SMG9: variants seen among roughly 807,000 people sequenced by gnomAD.
The protein encoded by SMG9 is SMG9 nonsense mediated mRNA decay factor, also known as nonsense-mediated mRNA decay factor SMG9.
A neutral mutation model predicts 64.0 loss-of-function variants in SMG9; 55 were observed. The observed-to-expected ratio is 0.86, with a 90% CI of 0.69 to 1.08. The LOEUF (loss-of-function observed/expected upper bound fraction) is 1.08, where lower values mean the gene tolerates loss of function less well. Among genes scored for constraint, SMG9 ranks in the 50% least tolerant of loss-of-function variants. SMG9 has a pLI of 0.00. For synonymous variants in SMG9, 244 were observed against 254.8 expected, an observed-to-expected ratio of 0.96 and a Z score of 0.41; for missense variants, 554 against 681.3, an observed-to-expected ratio of 0.81 and a Z score of 2.08.
chr19:43,733,768 A>T, intron 10 of SMG9, 35 bp from the exon 11 acceptor site: 1 of 1,564,314 alleles, frequency 6.4e-7, no homozygotes, highest in Non-Finnish European at 8.8e-7. Context: ...TGTCAGGCAG[A>T]CATCGCTTGG....
At chr19:43,748,848 A>T (rs2146404676) in intron 2 of SMG9, 3 of 513,464 alleles carry the variant, frequency 5.8e-6, no homozygotes, top group South Asian at 4.2e-5. Context: ...GGTGAAGAAC[A>T]AACAAAAAGA....
Position 43,731,466 on chromosome 19 carries a change from G to T in SMG9, c.*130C>A. ...CCTGGACACCTCATGTCTCTGGGCC[G>T]GGAAGCCACGATCCCTCATCCATCA... On this transcript the variant is annotated 3_prime_UTR_variant, in exon 14 of 14. Transcript: ENST00000270066. 1 of 1,496,724 alleles carries T rather than the reference G, an allele frequency of 6.7e-7. No homozygotes were observed. Among genetic ancestry groups the T allele is most frequent in the East Asian group, 2.5e-5 (1 of 40,802 alleles). 92.7% of individuals were successfully genotyped at this position (1,496,724 alleles called of 1,614,324 possible). A position where few individuals can be genotyped will look rare whatever the true frequency, so the allele number is the denominator to read the frequency against.
intron 13 of SMG9, chr19:43,732,300 T>G (rs1968510160): frequency 6.2e-6 from 1 of 161,008 alleles, no homozygotes; most frequent in Non-Finnish European, 1.4e-5. Flanking sequence ...TGGACTCATA[T>G]GCTGAGAGCT....
rs201306280 is a variant in SMG9, at chr19:43,733,704, C to T, written c.1132G>A (p.Asp378Asn). The change falls in exon 11 of 14, where the codon GAC becomes AAC. Residue 378 changes from aspartate to asparagine, a missense_variant. By Grantham distance (23) the Asp-to-Asn change is conservative (BLOSUM62 1). Transcript: ENST00000270066. ...TGCCGCAGCTTCCGAGGACAGAAGT[C>T]CTCTCGGCGAGCTTTGTTCTGCAAG... ...VFLQNKARRE[D>N]FCPRKLRQMH... is the part of the protein sequence containing the mutation. 6.2e-6 allele frequency: 10 copies of T among 1,614,142 alleles called. 1 individual carries two copies. The highest frequency in any genetic ancestry group is 3.3e-4 in the Middle Eastern group (2 of 6,062).
At chr19:43,751,819 C>T (rs1170172777) in intron 1 of SMG9, among the ~76,000 whole-genome samples, 2 of 152,304 alleles carry the variant, frequency 1.3e-5, no homozygotes, top group Non-Finnish European at 2.9e-5. Context: ...GGGGGTTCCA[C>T]GTTAACCTTG....
At position 43,732,758 on chromosome 19, in the gene SMG9, G is replaced by T. The variant is rs893779282; in HGVS notation, c.1484+100C>A. The T allele has an allele frequency of 1.5e-5, 22 of 1,425,240 alleles. No individual in the cohort carries two copies. The Admixed American group carries it at 3.9e-4, about 25-fold the overall frequency. The allele number at this position is 1,425,240 out of a possible 1,614,324, so 88.3% of individuals were successfully genotyped here. On this transcript the variant is annotated intron_variant, in intron 13 of 13. Coordinates refer to ENST00000270066, the MANE Select transcript of SMG9 (RefSeq NM_019108.4). ...AGAAAAGGAACCTGGGATCTGGAGA[G>T]GAGGGGCTTCACAAGGTCATGCCGA...
rs928694406 is a variant in SMG9 at position 43,728,869 on chromosome 19, A to G, written c.*2727T>C. ...GATACCAATGTATTCCTGTGTCTGA[A>G]TTGAAAAGCGTGAGTTCCACCTGCT... On this transcript the variant is annotated 3_prime_UTR_variant, in exon 14 of 14. Coordinates refer to ENST00000270066, the MANE Select transcript of SMG9 (RefSeq NM_019108.4). 1 of 449,430 alleles carries G rather than the reference A, an allele frequency of 2.2e-6. No individual in the cohort carries two copies. The highest frequency in any genetic ancestry group is 2.9e-6 in the Non-Finnish European group (1 of 340,142). 27.8% of individuals were successfully genotyped at this position (449,430 alleles called of 1,614,324 possible).
In SMG9 at chr19:43,731,602, C is replaced by A. The variant is rs971776886; in HGVS notation, c.1557G>T (p.Leu519=). ...SSALAEYSRL[L]A ...GACATTCCTCTCCTTGGCCTCAGGCCAGCAGGCGGCTGTACTCTGCCAGAG... is the reference window on the plus strand; with the variant it reads ...GACATTCCTCTCCTTGGCCTCAGGCAAGCAGGCGGCTGTACTCTGCCAGAG... Residue 519 remains leucine, a synonymous_variant, in exon 14 of 14, where the codon CTG becomes CTT. Coordinates refer to ENST00000270066, the MANE Select transcript of SMG9 (RefSeq NM_019108.4). 1.2e-6 allele frequency: 2 copies of A among 1,614,136 alleles called. No homozygotes were observed. Among genetic ancestry groups the A allele is most frequent in the South Asian group, 2.2e-5 (2 of 91,090 alleles).
At chr19:43,739,021 T>C (rs1968761749) in intron 7 of SMG9, among the ~76,000 whole-genome samples, 1 of 152,232 alleles carries the variant, frequency 6.6e-6, no homozygotes, top group Admixed American at 6.5e-5. Flanking sequence ...GGCCAGGCCC[T>C]GTGCCCCAGC....
intron 7 of SMG9, among the ~76,000 whole-genome samples, chr19:43,738,711 G>A (rs1468165687): frequency 6.6e-6 from 1 of 152,216 alleles, no homozygotes; most frequent in African/African-American, 2.4e-5. Context: ...AAATTAGCTT[G>A]ATAGTCTACT....
chr19:43,735,984 G>A (rs2146366644), intron 9 of SMG9, among the ~76,000 whole-genome samples: 1 of 152,288 alleles, frequency 6.6e-6, no homozygotes, highest in Non-Finnish European at 1.5e-5. Context: ...ACAGTGCCTG[G>A]CACACCTAGA....
intron 1 of SMG9, among the ~76,000 whole-genome samples, chr19:43,751,486 C>T (rs1377062667): frequency 1.3e-5 from 2 of 152,264 alleles, no homozygotes; most frequent in Admixed American, 1.3e-4. Flanking sequence ...CAACTGCAAG[C>T]TGGTTCCCAA....
intron 9 of SMG9, among the ~76,000 whole-genome samples, chr19:43,735,628 AAAAAAAAAAAAT>A (rs1968638476): frequency 6.6e-6 from 1 of 151,758 alleles, no homozygotes. Flanking sequence ...AAAAAAAAAA[AAAAAAAAAAAAT>A]CTGTGTGGTT....
At chr19:43,747,310 G>A in intron 5 of SMG9, 132 bp downstream of exon 5, 2 of 795,310 alleles carry the variant, frequency 2.5e-6, no homozygotes, top group East Asian at 2.7e-5. Context: ...AGGTGAGAAT[G>A]TTCTGATACC....
At chr19:43,745,518 T>C (rs544612880) in intron 5 of SMG9, among the ~76,000 whole-genome samples, 1 of 152,372 alleles carries the variant, frequency 6.6e-6, no homozygotes, top group South Asian at 2.1e-4. Context: ...TTCTGAACTG[T>C]GGCTGCTGCT....
Position 43,728,880 on chromosome 19 carries a change from T to G in SMG9, c.*2716A>C. 42 of 563,300 alleles carry G rather than the reference T, an allele frequency of 7.5e-5. No homozygotes were observed. The highest frequency in any genetic ancestry group is 8.1e-5 in the Non-Finnish European group (36 of 444,276). 34.9% of individuals were successfully genotyped at this position (563,300 alleles called of 1,614,324 possible). ...ATTCCTGTGTCTGAATTGAAAAGCG[T>G]GAGTTCCACCTGCTGGGAATGATGA... On this transcript the variant is annotated 3_prime_UTR_variant, in exon 14 of 14. Coordinates refer to ENST00000270066, the MANE Select transcript of SMG9 (RefSeq NM_019108.4).
In SMG9 at chr19:43,752,659, AG is replaced by A. The variant is rs574218086; in HGVS notation, c.-6-1913del. ...ACACCTGTAATCCCGACACTTTGGG[AG>A]GCCGAGACAGGAGGACTGCTTCAGC... On this transcript the variant is annotated intron_variant, in intron 1 of 13. Coordinates refer to ENST00000270066, the MANE Select transcript of SMG9 (RefSeq NM_019108.4). Among the ~76,000 whole-genome samples the A allele has an allele frequency of 2.6e-5, 4 of 152,250 alleles. No individual in the cohort carries two copies. In the South Asian group the frequency reaches 8.3e-4, roughly 32 times the overall value.
chr19:43,746,640 A>G (rs1347595292), intron 5 of SMG9, among the ~76,000 whole-genome samples: 1 of 151,640 alleles, frequency 6.6e-6, no homozygotes, highest in African/African-American at 2.4e-5. Flanking sequence ...CAGGGGTGTG[A>G]CAGGTCTAGG....
In SMG9 at chr19:43,748,036, G is replaced by C. The variant is rs1969080682; in HGVS notation, c.167C>G (p.Thr56Arg). The C allele has an allele frequency of 1.9e-6, 3 of 1,611,272 alleles. No homozygotes were observed. The East Asian group carries it at 6.7e-5, about 36-fold the overall frequency. ...ERERRDASEE[T>R]STSVMQKTPI... ...GGTTTTCTGCATGACGGAAGTGCTT[G>C]TCTCTTCGCTGGCATCCTGTGGTGA... The change falls in exon 3 of 14, where the codon ACA (threonine) becomes AGA (arginine). Residue 56 changes from threonine (T) to arginine (R), a missense_variant. Thr to Arg is a moderately conservative substitution (Grantham distance 71). Coordinates refer to ENST00000270066, the MANE Select transcript of SMG9 (RefSeq NM_019108.4).
Sources: allele counts gnomAD v4.1 joint callset (sites outside exome capture counted in the v4.1 genomes callset), GRCh38; gene constraint gnomAD v4.1.1; transcripts MANE v1.5; gene names NCBI Gene and HGNC (gene_info 2026-07-23, HGNC 2026-07-21).